The following HSD17B12 variants were observed in gnomAD, a reference collection of about 807,000 sequenced individuals.
HSD17B12 encodes very-long-chain 3-oxoacyl-CoA reductase.
HSD17B12 carries 32 observed loss-of-function variants against 39.3 expected under a neutral mutation model. The observed-to-expected ratio is 0.81, with a 90% CI of 0.61 to 1.09. HSD17B12 has a LOEUF of 1.09. Ranked by LOEUF, HSD17B12 falls within the 50% of genes least tolerant of loss-of-function variation. HSD17B12 has a pLI of 0.00. For missense variants in HSD17B12, 342 were observed against 382.9 expected (o/e 0.89, Z 0.89); for synonymous variants, 150 against 146.7 (o/e 1.02, Z -0.16).
chr11:43,586,160 T>C, the HSD17B12 span, among the ~76,000 whole-genome samples: 2 of 152,144 alleles, frequency 1.3e-5, no homozygotes, highest in South Asian at 4.1e-4. Flanking sequence ...TCCATAAACA[T>C]AATCCAGGAC....
chr11:43,576,549 C>T, the HSD17B12 span: 4 of 152,198 alleles, frequency 2.6e-5, no homozygotes, highest in Admixed American at 2.6e-4. Context: ...CTCCTCTTTC[C>T]ATCCACTTTC....
chr11:43,784,961 A>G (rs1950802171), intron 3 of HSD17B12, among the ~76,000 whole-genome samples: 1 of 152,194 alleles, frequency 6.6e-6, no homozygotes, highest in Non-Finnish European at 1.5e-5. Context: ...AGAGTCAGTT[A>G]AATTAAAGTT....
intron 1 of HSD17B12, among the ~76,000 whole-genome samples, chr11:43,711,770 C>T (rs899183381): frequency 1.4e-4 from 22 of 152,012 alleles, no homozygotes; most frequent in South Asian, 4.2e-4. Context: ...CCACCACACC[C>T]GGCCTACAGT....
In HSD17B12 at chr11:43,855,322, T is replaced by C; in HGVS notation, c.*74T>C. On this transcript the variant is annotated 3_prime_UTR_variant, in exon 11 of 11. Coordinates refer to ENST00000278353, the MANE Select transcript of HSD17B12 (RefSeq NM_016142.3). ...GTTCACTGCAAAGCACCCTACTGGT[T>C]TTGAAAATCTGACCTTGTCATTTCA... The C allele has an allele frequency of 1.3e-6, 1 of 790,810 alleles. No individual in the cohort carries two copies. The highest frequency in any genetic ancestry group is 2.0e-6 in the Non-Finnish European group (1 of 502,336). 49.0% of individuals were successfully genotyped at this position (790,810 alleles called of 1,614,324 possible).
intron 1 of HSD17B12, among the ~76,000 whole-genome samples, chr11:43,722,698 T>TA (rs1282675026): frequency 7.9e-5 from 12 of 152,100 alleles, no homozygotes; most frequent in Admixed American, 5.2e-4. Context: ...AATACAAAAG[T>TA]ACTAGCTGGG....
intron 3 of HSD17B12, chr11:43,755,532 A>G (rs552506738): frequency 6.6e-6 from 1 of 152,228 alleles, no homozygotes; most frequent in Non-Finnish European, 1.5e-5. Flanking sequence ...TACCATGTGT[A>G]TTTATCTCTA....
At chr11:43,684,510 G>A (rs1399111106) in intron 1 of HSD17B12, among the ~76,000 whole-genome samples, 1 of 152,188 alleles carries the variant, frequency 6.6e-6, no homozygotes, top group African/African-American at 2.4e-5. Context: ...TTGAAATAAA[G>A]TGGAGATGAT....
At chr11:43,755,104 C>T (rs1950497489) in intron 3 of HSD17B12, 1 of 381,012 alleles carries the variant, frequency 2.6e-6, no homozygotes, top group Non-Finnish European at 4.7e-6. Flanking sequence ...GTGTTTGTTT[C>T]CAAACTTATG....
chr11:43,691,428 C>T (rs1261966021), intron 1 of HSD17B12, among the ~76,000 whole-genome samples: 1 of 152,174 alleles, frequency 6.6e-6, no homozygotes, highest in East Asian at 1.9e-4. Context: ...CATCAAGTAG[C>T]CAGTTTGCTC....
At chr11:43,580,869 C>G in the HSD17B12 span, among the ~76,000 whole-genome samples, 1 of 152,004 alleles carries the variant, frequency 6.6e-6, no homozygotes, top group Non-Finnish European at 1.5e-5. Flanking sequence ...CGATTTTAGT[C>G]CGCACCAATG....
At chr11:43,797,944 C>T (rs550382700) in intron 3 of HSD17B12, among the ~76,000 whole-genome samples, 2 of 152,196 alleles carry the variant, frequency 1.3e-5, no homozygotes, top group African/African-American at 2.4e-5. Flanking sequence ...TTACAAAGCA[C>T]CAATTTACAA....
chr11:43,605,024 T>C, the HSD17B12 span, among the ~76,000 whole-genome samples: 4 of 152,294 alleles, frequency 2.6e-5, no homozygotes, highest in Middle Eastern at 0.014. Flanking sequence ...CTGCTATGTA[T>C]GGAAAACTCC....
chr11:43,682,182 A>C (rs1418947085), intron 1 of HSD17B12, among the ~76,000 whole-genome samples: 1 of 152,202 alleles, frequency 6.6e-6, no homozygotes, highest in Non-Finnish European at 1.5e-5. Flanking sequence ...AGCAGTGGAT[A>C]TGTATGTGAA....
chr11:43,616,321 T>C, the HSD17B12 span, among the ~76,000 whole-genome samples: 1 of 147,108 alleles, frequency 6.8e-6, no homozygotes, highest in East Asian at 2.1e-4. Context: ...GGCAGGAGAA[T>C]CACTTGAACC....
chr11:43,803,506 G>A (rs952080879), intron 4 of HSD17B12, among the ~76,000 whole-genome samples: 1 of 152,142 alleles, frequency 6.6e-6, no homozygotes, highest in African/African-American at 2.4e-5. Flanking sequence ...AATGAAACTA[G>A]TAAGGATAAT....
chr11:43,561,502 T>C, the HSD17B12 span, among the ~76,000 whole-genome samples: 1 of 152,188 alleles, frequency 6.6e-6, no homozygotes, highest in Non-Finnish European at 1.5e-5. Flanking sequence ...AGAGGGCATC[T>C]TAGAGATGTG....
At chr11:43,731,098 G>A (rs146961296) in intron 1 of HSD17B12, among the ~76,000 whole-genome samples, 1 of 152,056 alleles carries the variant, frequency 6.6e-6, no homozygotes, top group African/African-American at 2.4e-5. Flanking sequence ...CCGGGTTCAA[G>A]CGATTCTCCT....
At chr11:43,582,347 G>A in the HSD17B12 span, among the ~76,000 whole-genome samples, 2 of 152,136 alleles carry the variant, frequency 1.3e-5, no homozygotes, top group African/African-American at 2.4e-5. Context: ...AAAGCTGCAG[G>A]AGAGGGGAGA....
In HSD17B12 at chr11:43,840,029, C is replaced by T; in HGVS notation, c.649C>T (p.His217Tyr). 1 of 1,612,632 alleles carries T rather than the reference C, an allele frequency of 6.2e-7. No individual in the cohort carries two copies. The highest frequency in any genetic ancestry group is 8.5e-7 in the Non-Finnish European group (1 of 1,179,112). Residue 217 changes from histidine (H) to tyrosine (Y), a missense_variant, in exon 9 of 11, where the codon CAT becomes TAT. Physicochemically the swap from His to Tyr is moderately conservative, Grantham distance 83. Transcript: ENST00000278353. ...TGTAGATTTCTTCTCTCAGTGCCTC[C>T]ATGAGGAGTATAGGAGCAAGGGCGT... Reference protein sequence around the residue: ...TFVDFFSQCLHEEYRSKGVFV... With the variant: ...TFVDFFSQCLYEEYRSKGVFV...
Sources: gnomAD v4.1 joint callset for allele counts (sites outside exome capture counted in the v4.1 genomes callset) on GRCh38, gnomAD v4.1.1 for gene constraint, MANE v1.5 for transcripts, NCBI Gene and HGNC (gene_info 2026-07-23, HGNC 2026-07-21) for gene names.